The following PCDHGB6 variants were observed in gnomAD, a reference collection of about 807,000 sequenced individuals.
The protein encoded by PCDHGB6 is protocadherin gamma-B6.
A neutral mutation model predicts 59.1 loss-of-function variants in PCDHGB6; 51 were observed. The observed-to-expected ratio is 0.86, with a 90% CI of 0.69 to 1.09. The LOEUF is 1.09. PCDHGB6 is among the 50% of genes least tolerant of loss of function. The pLI is 0.00. For synonymous variants in PCDHGB6, 466 were observed against 495.1 expected (o/e 0.94, Z 0.78); for missense variants, 1,148 against 1,205.1 (o/e 0.95, Z 0.70).
At chr5:141,423,177 C>T (rs748689237) in intron 1 of PCDHGB6, 3 of 1,613,430 alleles carry the variant, frequency 1.9e-6, no homozygotes, top group Non-Finnish European at 2.5e-6. Context: ...TCCAGGACCA[C>T]GGCCAGCCCC....
At chr5:141,414,883 G>A (rs572616023) in intron 1 of PCDHGB6, 1 of 1,614,176 alleles carries the variant, frequency 6.2e-7, no homozygotes, top group South Asian at 1.1e-5. Context: ...CCTGTACCCC[G>A]CCCTCCCCAC....
chr5:141,461,667 G>C (rs1337688159), intron 1 of PCDHGB6, among the ~76,000 whole-genome samples: 4 of 151,994 alleles, frequency 2.6e-5, no homozygotes, highest in African/African-American at 9.7e-5. Context: ...TTTAAAGTTT[G>C]TTATTTTGTT....
At chr5:141,422,187 T>A in intron 1 of PCDHGB6, 1 of 1,561,762 alleles carries the variant, frequency 6.4e-7, no homozygotes, top group South Asian at 1.2e-5. Context: ...AGATGGAAAT[T>A]CAAGGCCAAG....
At chr5:141,419,584 C>T in intron 1 of PCDHGB6, 1 of 1,611,798 alleles carries the variant, frequency 6.2e-7, no homozygotes, top group Non-Finnish European at 8.5e-7. Context: ...CCGCGCTCTT[C>T]GACACAGTGC....
At chr5:141,495,841 G>A (rs1187067340) in intron 2 of PCDHGB6, among the ~76,000 whole-genome samples, 1 of 151,864 alleles carries the variant, frequency 6.6e-6, no homozygotes, top group Non-Finnish European at 1.5e-5. Context: ...CAGCCTCTAT[G>A]TTTCTCTGTC....
intron 1 of PCDHGB6, among the ~76,000 whole-genome samples, chr5:141,448,842 G>A (rs943887884): frequency 6.6e-6 from 1 of 152,182 alleles, no homozygotes; most frequent in Non-Finnish European, 1.5e-5. Context: ...CTACTCTGGA[G>A]GCTGAGGCAG....
At chr5:141,443,980 T>A (rs2098412674) in intron 1 of PCDHGB6, among the ~76,000 whole-genome samples, 1 of 152,036 alleles carries the variant, frequency 6.6e-6, no homozygotes, top group South Asian at 2.1e-4. Context: ...CTAAGCTATG[T>A]TAATTTTATT....
At chr5:141,412,917 G>C (rs918712966) in intron 1 of PCDHGB6, 2 of 410,214 alleles carry the variant, frequency 4.9e-6, no homozygotes, top group African/African-American at 2.1e-5. Context: ...GTATCACTTG[G>C]GTGCAGTAAC....
At position 141,410,435 on chromosome 5, in the gene PCDHGB6, G is replaced by C. The variant is rs772158163; in HGVS notation, c.2233G>C (p.Glu745Gln). Residue 745 changes from glutamate (E) to glutamine (Q), a missense_variant, in exon 1 of 4, where the codon GAG (glutamate) becomes CAG (glutamine). Physicochemically the swap from Glu to Gln is conservative, Grantham distance 29 (BLOSUM62 2). Transcript: ENST00000520790. ...SGPVVPPNYS[E>Q]GTLPYSYNLC... The stretch of plus-strand genomic sequence containing the variant: ...ACCTGTAGTTCCCCCCAACTACAGT[G>C]AGGGGACTTTGCCTTATTCTTATAA... The C allele has an allele frequency of 3.1e-6, 5 of 1,614,054 alleles. No homozygotes were observed. The highest frequency in any genetic ancestry group is 4.2e-6 in the Non-Finnish European group (5 of 1,179,910).
chr5:141,461,258 A>G lies in PCDHGB6; in HGVS notation c.2419-33549A>G, dbSNP rs2099011921. Among the ~76,000 whole-genome samples, 4 of 152,104 alleles carry G rather than the reference A, an allele frequency of 2.6e-5. No individual in the cohort carries two copies. In the South Asian group the frequency reaches 8.3e-4, roughly 31 times the overall value. The stretch of plus-strand genomic sequence containing the variant: ...GTACTAATTTATATTCCCAGCAGCA[A>G]TGTGTAAGTGTTCTCTTTTCCCCAC... On this transcript the variant is annotated intron_variant, in intron 1 of 3. Transcript: ENST00000520790.
In PCDHGB6 at chr5:141,485,244, T is replaced by C; in HGVS notation, c.2419-9563T>C. ...ACCCTTTTGTTCCTCTTTTACCACC[T>C]GGGTTACGTTTGTGGGCAGATCCGC... On this transcript the variant is annotated intron_variant, in intron 1 of 3. Transcript: ENST00000520790. This position sits in a 1 kb window ranked among gnomAD's most constrained non-coding sequence, Gnocchi z 5.7. 1 of 1,614,168 alleles carries C rather than the reference T, an allele frequency of 6.2e-7. No individual in the cohort carries two copies. Among genetic ancestry groups the C allele is most frequent in the Admixed American group, 1.7e-5 (1 of 60,016 alleles).
intron 1 of PCDHGB6, among the ~76,000 whole-genome samples, chr5:141,438,702 C>A (rs1217378337): frequency 5.7e-5 from 8 of 140,876 alleles, no homozygotes; most frequent in Non-Finnish European, 4.6e-5. Flanking sequence ...GCTCTGTCAC[C>A]CAGGCTGGAG....
intron 1 of PCDHGB6, chr5:141,418,973 C>T: frequency 3.1e-6 from 5 of 1,613,916 alleles, no homozygotes; most frequent in Non-Finnish European, 3.4e-6. Context: ...CTTCAAAACA[C>T]GGGACCAAGA....
At position 141,423,009 on chromosome 5, in the gene PCDHGB6, G is replaced by A. The variant is rs371209178; in HGVS notation, c.2418+12389G>A. 28 of 1,614,222 alleles carry A rather than the reference G, an allele frequency of 1.7e-5. No individual in the cohort carries two copies. The East Asian group carries it at 4.9e-4, about 28-fold the overall frequency. On this transcript the variant is annotated intron_variant, in intron 1 of 3. Transcript: ENST00000520790. ...GCTACCTGGTGACCAAGGTGGTTGC[G>A]GTGGACAAAGATTCAGGCCAGAACG...
At chr5:141,492,487 C>G (rs1031047955) in intron 1 of PCDHGB6, among the ~76,000 whole-genome samples, 1 of 152,222 alleles carries the variant, frequency 6.6e-6, no homozygotes, top group Non-Finnish European at 1.5e-5. Flanking sequence ...CGCCCAGGAC[C>G]AGGCGAGGAC....
At chr5:141,468,024 T>C (rs1386255481) in intron 1 of PCDHGB6, among the ~76,000 whole-genome samples, 1 of 152,046 alleles carries the variant, frequency 6.6e-6, no homozygotes, top group African/African-American at 2.4e-5. Flanking sequence ...TGAAGTAAAA[T>C]ACTTCATTTA....
Position 141,485,844 on chromosome 5 carries a change from G to A in PCDHGB6, c.2419-8963G>A, listed in dbSNP as rs201857404. On this transcript the variant is annotated intron_variant, in intron 1 of 3. Transcript: ENST00000520790. The surrounding 1 kb of genome is among the most constrained non-coding windows in gnomAD (Gnocchi z 5.7). ...GATGGAGGGAACCCGCCGAGATCTGGCACCGCAGAGCTCCGGGTATCCGTG... is the reference window on the plus strand; with the variant it reads ...GATGGAGGGAACCCGCCGAGATCTGACACCGCAGAGCTCCGGGTATCCGTG... 6 of 1,613,890 alleles carry A rather than the reference G, an allele frequency of 3.7e-6. No homozygotes were observed. In the East Asian group the frequency reaches 1.1e-4, roughly 30 times the overall value.
At chr5:141,461,441 T>A (rs959248029) in intron 1 of PCDHGB6, among the ~76,000 whole-genome samples, 7 of 152,194 alleles carry the variant, frequency 4.6e-5, no homozygotes, top group Admixed American at 4.6e-4. Flanking sequence ...TACCTTCTTT[T>A]GAGAAATGGC....
chr5:141,428,609 A>G, intron 1 of PCDHGB6: 1 of 215,052 alleles, frequency 4.7e-6, no homozygotes, highest in South Asian at 7.9e-5. Context: ...ACTGAAGAGA[A>G]TAACAAGATA....
Sources: gnomAD v4.1 joint callset for allele counts (sites outside exome capture counted in the v4.1 genomes callset) on GRCh38, gnomAD v4.1.1 for gene constraint, Gnocchi (gnomAD v3.1) non-coding constraint, MANE v1.5 for transcripts, NCBI Gene and HGNC (gene_info 2026-07-23, HGNC 2026-07-21) for gene names.